The following BTF3 variants were observed in gnomAD, a reference collection of about 807,000 sequenced individuals.
BTF3 encodes the protein transcription factor BTF3.
Under a neutral mutation model 23.9 loss-of-function variants are expected in BTF3, and 12 were observed. The ratio of observed to expected loss-of-function variants is 0.50; its 90% CI spans 0.32 to 0.81. The LOEUF (loss-of-function observed/expected upper bound fraction) is 0.81, where lower values mean the gene tolerates loss of function less well. BTF3 is among the 40% of genes least tolerant of loss of function. The pLI is 0.03. For missense variants in BTF3, 215 were observed against 255.9 expected (o/e 0.84, Z 1.09); for synonymous variants, 96 against 94.8 (o/e 1.01, Z -0.07).
chr5:73,505,527 G>T lies in BTF3; in HGVS notation c.*289G>T, dbSNP rs895292202. On this transcript the variant is annotated 3_prime_UTR_variant, in exon 6 of 6. Coordinates refer to ENST00000380591, the MANE Select transcript of BTF3 (RefSeq NM_001037637.2). ...TTTATTTTTTTATTTCATTGACACCGATCTGTACACAGTAAAAAAAATTGC... is the reference window on the plus strand; with the variant it reads ...TTTATTTTTTTATTTCATTGACACCTATCTGTACACAGTAAAAAAAATTGC... The T allele has an allele frequency of 7.4e-6, 2 of 269,058 alleles. No individual in the cohort carries two copies. The highest frequency in any genetic ancestry group is 1.9e-4 in the East Asian group (2 of 10,790). The allele number at this position is 269,058 out of a possible 1,614,324, so 16.7% of individuals were successfully genotyped here. A position where few individuals can be genotyped will look rare whatever the true frequency, so the allele number is the denominator to read the frequency against.
At chr5:73,498,892 C>T in intron 1 of BTF3, 93 bp downstream of exon 1, 1 of 1,455,250 alleles carries the variant, frequency 6.9e-7, no homozygotes, top group Non-Finnish European at 9.0e-7. Context: ...GCTGGCCAGG[C>T]GTGGGGTAGA....
chr5:73,504,267 C>A (rs201496691), intron 4 of BTF3, 80 bp from the exon 5 acceptor site: 2 of 125,378 alleles, frequency 1.6e-5, no homozygotes, highest in Non-Finnish European at 3.0e-5. Context: ...TTCATCTGTT[C>A]TTTTTTTTTT....
Position 73,498,625 on chromosome 5 carries a change from G to T in BTF3, c.-43G>T. On this transcript the variant is annotated 5_prime_UTR_variant, in exon 1 of 6. Transcript: ENST00000380591. ...AGCGGGGGCGGGAAGTTCCCTGAAG[G>T]AGCGAGACAGGGAGGGACAGGGCAG... The T allele has an allele frequency of 1.4e-6, 2 of 1,434,050 alleles. No homozygotes were observed. The highest frequency in any genetic ancestry group is 2.8e-5 in the East Asian group (1 of 36,112). The allele number at this position is 1,434,050 out of a possible 1,614,324, so 88.8% of individuals were successfully genotyped here.
chr5:73,502,332 C>T (rs189329802), intron 2 of BTF3, among the ~76,000 whole-genome samples, 156 bp from the exon 3 acceptor site: 14 of 152,232 alleles, frequency 9.2e-5, no homozygotes, highest in East Asian at 7.7e-4. Flanking sequence ...CTTCTATCTT[C>T]GCCTTAGCCT....
At chr5:73,500,180 T>G (rs2111957382) in intron 2 of BTF3, among the ~76,000 whole-genome samples, 1 of 152,192 alleles carries the variant, frequency 6.6e-6, no homozygotes, top group East Asian at 1.9e-4. Flanking sequence ...TTTATTTTTG[T>G]TAACGTTAGC....
chr5:73,499,391 A>G (rs569102851), intron 2 of BTF3, 189 bp downstream of exon 2: 53 of 698,258 alleles, frequency 7.6e-5, no homozygotes, highest in Non-Finnish European at 1.3e-4. Context: ...ACGAGCTAAA[A>G]ACATCGCCTT....
chr5:73,505,203 A>C lies in BTF3; in HGVS notation c.586A>C (p.Asn196His). 1 of 1,609,646 alleles carries C rather than the reference A, an allele frequency of 6.2e-7. No homozygotes were observed. The highest frequency in any genetic ancestry group is 8.5e-7 in the Non-Finnish European group (1 of 1,179,224). Residue 196 changes from asparagine (N) to histidine (H), a missense_variant, in exon 6 of 6, where the codon AAT becomes CAT. Around this residue, in one of 2 missense-constraint regions of BTF3, gnomAD observed 99 missense variants for 171.2 expected, o/e 0.58. Transcript: ENST00000380591. Reference sequence around the variant, plus strand: ...TTTCCTTTTCCTAGATCTTGTGGAGAATTTTGATGAGGCTTCCAAGAATGA... The same window carrying C: ...TTTCCTTTTCCTAGATCTTGTGGAGCATTTTGATGAGGCTTCCAAGAATGA... ...DDDEVPDLVE[N>H]FDEASKNEAN
At chr5:73,503,746 A>G (rs1746492376) in intron 4 of BTF3, among the ~76,000 whole-genome samples, 1 of 152,156 alleles carries the variant, frequency 6.6e-6, no homozygotes, top group South Asian at 2.1e-4. Context: ...TTATTATCAC[A>G]TTGAGTTGCA....
At chr5:73,503,340 TAC>T (rs752663479) in intron 4 of BTF3, among the ~76,000 whole-genome samples, 1 of 152,218 alleles carries the variant, frequency 6.6e-6, no homozygotes, top group Admixed American at 6.5e-5. Context: ...GTTTTCTACT[TAC>T]TTGATTTGGA....
In BTF3 at chr5:73,502,613, AT is replaced by A; in HGVS notation, c.315+16del. 6.4e-7 allele frequency: 1 copy of A among 1,567,104 alleles called. No homozygotes were observed. The stretch of plus-strand genomic sequence containing the variant: ...CTGGTATTGAAGAGGCAAGTATCAA[AT>A]TTTGTTACTTTAAAAAACAAGATTT... On this transcript the variant is annotated intron_variant, in intron 3 of 5. Transcript: ENST00000380591.
intron 5 of BTF3, 115 bp from the exon 6 acceptor site, chr5:73,505,077 C>A: frequency 5.3e-6 from 4 of 756,760 alleles, no homozygotes; most frequent in Non-Finnish European, 8.5e-6. Flanking sequence ...GGGGCTATGA[C>A]ACAGTATTTA....
At chr5:73,501,798 A>C (rs1746441902) in intron 2 of BTF3, among the ~76,000 whole-genome samples, 1 of 152,204 alleles carries the variant, frequency 6.6e-6, no homozygotes, top group Non-Finnish European at 1.5e-5. Context: ...AAGTCTATAT[A>C]CAGATTCATT....
chr5:73,503,416 G>T (rs1369068139), intron 4 of BTF3, among the ~76,000 whole-genome samples: 2 of 151,930 alleles, frequency 1.3e-5, no homozygotes, highest in African/African-American at 4.8e-5. Flanking sequence ...ATAACTACTT[G>T]TAAGTTTGGA....
intron 1 of BTF3, 99 bp from the exon 2 acceptor site, chr5:73,499,035 T>C: frequency 1.5e-6 from 2 of 1,370,044 alleles, no homozygotes; most frequent in African/African-American, 1.5e-5. Context: ...TCGGCCTGTG[T>C]AGGACGTTTA....
intron 1 of BTF3, 101 bp from the exon 2 acceptor site, chr5:73,499,033 T>C: frequency 1.5e-6 from 2 of 1,363,466 alleles, no homozygotes; most frequent in Non-Finnish European, 2.0e-6. Context: ...TTTCGGCCTG[T>C]GTAGGACGTT....
intron 2 of BTF3, 68 bp downstream of exon 2, chr5:73,499,270 C>T (rs561385707): frequency 6.6e-7 from 1 of 1,509,594 alleles, no homozygotes; most frequent in Non-Finnish European, 9.2e-7. Context: ...AAACATATTC[C>T]TTTTGCGCTT....
intron 1 of BTF3, among the ~76,000 whole-genome samples, 160 bp from the exon 2 acceptor site, chr5:73,498,974 C>T (rs535957770): frequency 7.9e-5 from 12 of 152,126 alleles, no homozygotes. Flanking sequence ...TCTTTGGGCT[C>T]CCTGGAAACC....
At chr5:73,502,829 C>T in intron 3 of BTF3, 87 bp from the exon 4 acceptor site, 1 of 1,353,838 alleles carries the variant, frequency 7.4e-7, no homozygotes, top group Admixed American at 1.9e-5. Flanking sequence ...CAGTGAAATA[C>T]TAGTTAGCCA....
chr5:73,501,567 A>G (rs1490559340), intron 2 of BTF3, among the ~76,000 whole-genome samples: 1 of 152,196 alleles, frequency 6.6e-6, no homozygotes, highest in Non-Finnish European at 1.5e-5. Context: ...GCAGTGAGGG[A>G]AAGAGCCATG....
Sources: gnomAD v4.1 joint callset for allele counts (sites outside exome capture counted in the v4.1 genomes callset) on GRCh38, gnomAD v4.1.1 for gene constraint, gnomAD v4.1.1 regional missense constraint, MANE v1.5 for transcripts, NCBI Gene and HGNC (gene_info 2026-07-23, HGNC 2026-07-21) for gene names.